The following PIWIL1 variants were observed in gnomAD, a reference collection of about 807,000 sequenced individuals.
PIWIL1 encodes piwi-like protein 1.
Under a neutral mutation model 114.4 loss-of-function variants are expected in PIWIL1, and 73 were observed. The observed-to-expected ratio is 0.64, with a 90% CI of 0.53 to 0.78. The LOEUF (loss-of-function observed/expected upper bound fraction) is 0.78, where lower values mean the gene tolerates loss of function less well. PIWIL1 is among the 30% of genes least tolerant of loss of function. The probability of loss-of-function intolerance (pLI) is 0.00; values close to 1 mark genes in which losing one functional copy is unlikely to be tolerated. For synonymous variants in PIWIL1, 375 were observed against 369.0 expected (o/e 1.02, Z -0.19); for missense variants, 723 against 1,063.1 (o/e 0.68, Z 4.45).
At chr12:130,377,894 G>A in the PIWIL1 span, among the ~76,000 whole-genome samples, 1 of 152,204 alleles carries the variant, frequency 6.6e-6, no homozygotes, top group Non-Finnish European at 1.5e-5. Flanking sequence ...CAGGCCCTGT[G>A]AAGTGGAGAG....
At chr12:130,367,007 C>G (rs896960651) in intron 18 of PIWIL1, 126 bp from the exon 19 acceptor site, 4 of 1,105,458 alleles carry the variant, frequency 3.6e-6, no homozygotes, top group East Asian at 2.4e-5. Flanking sequence ...TCTCCACAAC[C>G]TGGACAGATG....
At chr12:130,379,315 A>C in the PIWIL1 span, among the ~76,000 whole-genome samples, 1 of 152,218 alleles carries the variant, frequency 6.6e-6, no homozygotes, top group Non-Finnish European at 1.5e-5. Flanking sequence ...GAATTGTACA[A>C]ATTTTTTTCT....
At chr12:130,418,261 C>A in the PIWIL1 span, among the ~76,000 whole-genome samples, 1 of 152,180 alleles carries the variant, frequency 6.6e-6, no homozygotes, top group African/African-American at 2.4e-5. Context: ...AGGGAACAAA[C>A]CTTTTCCACA....
At chr12:130,366,819 A>T (rs2073672936) in intron 18 of PIWIL1, among the ~76,000 whole-genome samples, 1 of 151,314 alleles carries the variant, frequency 6.6e-6, no homozygotes, top group Non-Finnish European at 1.5e-5. Context: ...ACTGTTATAA[A>T]TTGTGAATTT....
At chr12:130,358,013 C>T (rs940445055) in intron 14 of PIWIL1, among the ~76,000 whole-genome samples, 1 of 152,234 alleles carries the variant, frequency 6.6e-6, no homozygotes, top group African/African-American at 2.4e-5. Context: ...CTTCCGCATG[C>T]ATCCACATCA....
chr12:130,347,083 T>C (rs1214787349), intron 6 of PIWIL1, 21 bp downstream of exon 6: 4 of 1,553,694 alleles, frequency 2.6e-6, no homozygotes, highest in Non-Finnish European at 2.6e-6. Flanking sequence ...TATTTCAACA[T>C]TTTATTAAGA....
At chr12:130,366,814 T>A (rs1385830889) in intron 18 of PIWIL1, among the ~76,000 whole-genome samples, 4 of 150,236 alleles carry the variant, frequency 2.7e-5, no homozygotes, top group Non-Finnish European at 5.9e-5. Flanking sequence ...TGAAGACTGT[T>A]ATAAATTGTG....
At chr12:130,355,858 A>G (rs1366904169) in intron 12 of PIWIL1, among the ~76,000 whole-genome samples, 191 bp downstream of exon 12, 1 of 152,136 alleles carries the variant, frequency 6.6e-6, no homozygotes, top group Non-Finnish European at 1.5e-5. Context: ...GTTCCATGCC[A>G]GAATGATCTT....
the PIWIL1 span, among the ~76,000 whole-genome samples, chr12:130,392,787 G>A: frequency 0.036 from 2,915 of 80,674 alleles, 10 homozygotes; most frequent in East Asian, 0.096. Context: ...CCCAGTCACC[G>A]TCATCACGTG....
chr12:130,353,468 C>A (rs1416867719), intron 9 of PIWIL1, among the ~76,000 whole-genome samples: 1 of 151,228 alleles, frequency 6.6e-6, no homozygotes, highest in Non-Finnish European at 1.5e-5. Context: ...AAGCAGGATG[C>A]TAAGAAAATC....
chr12:130,402,415 T>C, the PIWIL1 span, among the ~76,000 whole-genome samples: 1 of 152,156 alleles, frequency 6.6e-6, no homozygotes, highest in African/African-American at 2.4e-5. Flanking sequence ...ATCTTGAGTC[T>C]GCCTTCCCCT....
At position 130,371,254 on chromosome 12, in the gene PIWIL1, C is replaced by T. The variant is rs1171119928; in HGVS notation, c.2400C>T (p.Asn800=). 2 of 1,614,080 alleles carry T rather than the reference C, an allele frequency of 1.2e-6. No individual in the cohort carries two copies. The highest frequency in any genetic ancestry group is 1.7e-6 in the Non-Finnish European group (2 of 1,180,024). Reference sequence around the variant, plus strand: ...CACATTACAATGTCATCTATGACAACAGCGGCCTGAAGCCAGACCACATAC... The same window carrying T: ...CACATTACAATGTCATCTATGACAATAGCGGCCTGAAGCCAGACCACATAC... The part of the protein sequence containing the change: ...SPTHYNVIYD[N]SGLKPDHIQR... The change falls in exon 20 of 21, where the codon AAC becomes AAT. Residue 800 remains asparagine (N), a synonymous_variant. Coordinates refer to ENST00000245255, the MANE Select transcript of PIWIL1 (RefSeq NM_004764.5).
chr12:130,421,791 G>A, the PIWIL1 span, among the ~76,000 whole-genome samples: 15 of 151,318 alleles, frequency 9.9e-5, no homozygotes, highest in Non-Finnish European at 2.1e-4. Flanking sequence ...AATACTTTTT[G>A]GAATTCTCCT....
chr12:130,411,999 G>A, the PIWIL1 span, among the ~76,000 whole-genome samples: 1 of 151,868 alleles, frequency 6.6e-6, no homozygotes, highest in Admixed American at 6.6e-5. Flanking sequence ...AAAAAGCAGA[G>A]GCTTTTTTTG....
At chr12:130,423,283 C>G in the PIWIL1 span, among the ~76,000 whole-genome samples, 4 of 152,172 alleles carry the variant, frequency 2.6e-5, no homozygotes, top group African/African-American at 9.7e-5. Context: ...TGAGGCGTGT[C>G]TGCTGCAGAA....
At chr12:130,424,680 G>A in the PIWIL1 span, 1 of 1,231,916 alleles carries the variant, frequency 8.1e-7, no homozygotes, top group Non-Finnish European at 1.0e-6. This position sits in a 1 kb window ranked among gnomAD's most constrained non-coding sequence, Gnocchi z 9.8. Context: ...GGGCTCTCTG[G>A]CCAGCCCCGT....
At chr12:130,367,775 G>A (rs1010115747) in intron 19 of PIWIL1, among the ~76,000 whole-genome samples, 1 of 152,184 alleles carries the variant, frequency 6.6e-6, no homozygotes, top group East Asian at 1.9e-4. Context: ...TTAGTAGCAC[G>A]GGAGGATTCC....
chr12:130,348,631 G>C (rs1160154696), intron 7 of PIWIL1, among the ~76,000 whole-genome samples: 1 of 152,148 alleles, frequency 6.6e-6, no homozygotes, highest in East Asian at 1.9e-4. Context: ...GGCCGGGCGT[G>C]GTGGCTCATG....
the PIWIL1 span, among the ~76,000 whole-genome samples, chr12:130,410,694 T>A: frequency 6.6e-6 from 1 of 152,214 alleles, no homozygotes; most frequent in Non-Finnish European, 1.5e-5. Context: ...TTTCTGGACT[T>A]CATTCTGCCC....
Sources: gnomAD v4.1 joint callset for allele counts (sites outside exome capture counted in the v4.1 genomes callset) on GRCh38, gnomAD v4.1.1 for gene constraint, Gnocchi (gnomAD v3.1) non-coding constraint, MANE v1.5 for transcripts, NCBI Gene and HGNC (gene_info 2026-07-23, HGNC 2026-07-21) for gene names.